FAM193A: variants seen among roughly 807,000 people sequenced by gnomAD.
The protein encoded by FAM193A is protein FAM193A.
In FAM193A, 22 loss-of-function variants were observed where a neutral mutation model predicts 126.5. The observed-to-expected ratio is 0.17, with a 90% CI of 0.12 to 0.25. The LOEUF (loss-of-function observed/expected upper bound fraction) is 0.25. FAM193A is among the 10% of genes least tolerant of loss of function. The probability of loss-of-function intolerance (pLI) is 1.00; values close to 1 mark genes in which losing one functional copy is unlikely to be tolerated. For missense variants in FAM193A, 1,675 were observed against 1,672.8 expected, an observed-to-expected ratio of 1.00 and a Z score of -0.02; for synonymous variants, 761 against 646.8, an observed-to-expected ratio of 1.18 and a Z score of -2.68.
At chr4:2,579,077 C>G (rs958171528) in intron 1 of FAM193A, among the ~76,000 whole-genome samples, 2 of 151,872 alleles carry the variant, frequency 1.3e-5, no homozygotes, top group African/African-American at 4.8e-5. Flanking sequence ...CCAGACTGGT[C>G]TTGAACTCCT....
rs1469690968 is a variant in FAM193A at position 2,640,790 on chromosome 4, C to T, written c.1163+931C>T. Among the ~76,000 whole-genome samples, 3 of 151,962 alleles carry T rather than the reference C, an allele frequency of 2.0e-5. No individual in the cohort carries two copies. In the East Asian group the frequency reaches 5.9e-4, roughly 30 times the overall value. ...GACCAGCCTTGCCAACATGGTAAAA[C>T]CCCGTCTCTACTAAAAATATAAAAA... On this transcript the variant is annotated intron_variant, in intron 6 of 20. Coordinates refer to ENST00000637812, the MANE Select transcript of FAM193A (RefSeq NM_001366318.2).
intron 16 of FAM193A, among the ~76,000 whole-genome samples, chr4:2,694,203 AAATG>A (rs1487452802): frequency 9.2e-5 from 14 of 152,198 alleles, no homozygotes; most frequent in Non-Finnish European, 1.3e-4. Flanking sequence ...AATCAGAGGA[AAATG>A]AATGAAATGT....
chr4:2,594,016 C>T (rs549275629), intron 1 of FAM193A, among the ~76,000 whole-genome samples: 1 of 152,070 alleles, frequency 6.6e-6, no homozygotes, highest in South Asian at 2.1e-4. Flanking sequence ...TGCCCCTGTG[C>T]CCCAAACATT....
chr4:2,616,174 A>G (rs548732001), intron 2 of FAM193A, among the ~76,000 whole-genome samples: 1 of 152,184 alleles, frequency 6.6e-6, no homozygotes, highest in South Asian at 2.1e-4. Context: ...CTCTGTTGTT[A>G]TTTACCATTT....
intron 12 of FAM193A, among the ~76,000 whole-genome samples, chr4:2,664,033 G>T (rs1329835848): frequency 6.6e-6 from 1 of 152,160 alleles, no homozygotes; most frequent in African/African-American, 2.4e-5. Flanking sequence ...AGGTCAAAGT[G>T]CTTGGCTGAT....
intron 1 of FAM193A, among the ~76,000 whole-genome samples, chr4:2,580,412 C>T (rs556589848): frequency 1.2e-4 from 19 of 152,236 alleles, no homozygotes; most frequent in African/African-American, 4.3e-4. Flanking sequence ...AAGAAATAAT[C>T]GGTACAACAA....
chr4:2,594,484 C>G (rs1361873786), intron 1 of FAM193A, among the ~76,000 whole-genome samples: 1 of 152,180 alleles, frequency 6.6e-6, no homozygotes, highest in East Asian at 1.9e-4. Context: ...GCATGTCTTG[C>G]AGCAAGGACA....
intron 2 of FAM193A, among the ~76,000 whole-genome samples, chr4:2,617,023 C>G (rs1166831048): frequency 6.9e-6 from 1 of 145,560 alleles, no homozygotes; most frequent in African/African-American, 2.5e-5. Flanking sequence ...CAAACATTAG[C>G]CGGGTGTGGT....
chr4:2,574,080 G>C (rs771688594), intron 1 of FAM193A, among the ~76,000 whole-genome samples: 2 of 152,114 alleles, frequency 1.3e-5, no homozygotes, highest in Non-Finnish European at 2.9e-5. Context: ...GGTTTTTGCA[G>C]AAGAGTGGTA....
At chr4:2,619,943 A>T (rs1742441717) in intron 2 of FAM193A, among the ~76,000 whole-genome samples, 1 of 151,774 alleles carries the variant, frequency 6.6e-6, no homozygotes, top group South Asian at 2.1e-4. Flanking sequence ...CACTCGCCTC[A>T]TCCTCTGAAA....
chr4:2,552,861 T>G (rs2108823969), intron 1 of FAM193A, among the ~76,000 whole-genome samples: 1 of 150,124 alleles, frequency 6.7e-6, no homozygotes, highest in South Asian at 2.1e-4. Flanking sequence ...TTTTTTTTTT[T>G]TTTTTTGAGA....
intron 2 of FAM193A, among the ~76,000 whole-genome samples, chr4:2,613,189 C>T (rs1741979352): frequency 6.6e-6 from 1 of 152,138 alleles, no homozygotes; most frequent in South Asian, 2.1e-4. Flanking sequence ...TGTAATCCAG[C>T]ACTTTGGGAG....
intron 5 of FAM193A, among the ~76,000 whole-genome samples, chr4:2,636,724 A>C (rs1030420613): frequency 6.6e-6 from 1 of 152,184 alleles, no homozygotes; most frequent in East Asian, 1.9e-4. Context: ...AGCAAATGCA[A>C]ATTTTCTAAA....
At chr4:2,701,563 G>T (rs113718595) in intron 19 of FAM193A, among the ~76,000 whole-genome samples, 5 of 152,054 alleles carry the variant, frequency 3.3e-5, no homozygotes, top group Admixed American at 2.0e-4. Context: ...AGTGGGTGAC[G>T]GTGTCTGTCC....
chr4:2,558,952 A>G (rs116035720), intron 1 of FAM193A, among the ~76,000 whole-genome samples: 2,559 of 152,294 alleles, frequency 0.017, 59 homozygotes, highest in African/African-American at 0.051. Context: ...ATGAACTGTG[A>G]TCGTGCCACT....
intron 1 of FAM193A, among the ~76,000 whole-genome samples, chr4:2,546,001 A>C (rs888547903): frequency 1.3e-5 from 2 of 152,046 alleles, no homozygotes; most frequent in African/African-American, 4.8e-5. Flanking sequence ...TACAAAAATT[A>C]GCGGGGTGTG....
Position 2,631,124 on chromosome 4 carries a change from C to T in FAM193A, c.993C>T (p.Ala331=). The stretch of plus-strand genomic sequence containing the variant: ...CCCTCCTGCTTGAGGAGTACGGCGC[C>T]CTCTGCCAGGCCGCACGCTCCATCA... ...FISLLLEEYG[A]LCQAARSIST... is the part of the protein sequence containing the mutation. Residue 331 remains alanine, a synonymous_variant, in exon 5 of 21, where the codon GCC becomes GCT. Transcript: ENST00000637812. 1 of 1,613,414 alleles carries T rather than the reference C, an allele frequency of 6.2e-7. No individual in the cohort carries two copies. The highest frequency in any genetic ancestry group is 8.5e-7 in the Non-Finnish European group (1 of 1,179,788).
chr4:2,692,989 G>T (rs766900479), intron 15 of FAM193A, among the ~76,000 whole-genome samples: 2 of 152,096 alleles, frequency 1.3e-5, no homozygotes, highest in Non-Finnish European at 2.9e-5. Context: ...GATTGCTTGA[G>T]CCCAGGGGTT....
chr4:2,640,896 C>T (rs1482040271), intron 6 of FAM193A, among the ~76,000 whole-genome samples: 5 of 151,020 alleles, frequency 3.3e-5, no homozygotes, highest in Non-Finnish European at 5.9e-5. Flanking sequence ...ACCCCAGAGG[C>T]AGAGGTTGCA....
Sources: allele counts gnomAD v4.1 joint callset (sites outside exome capture counted in the v4.1 genomes callset), GRCh38; gene constraint gnomAD v4.1.1; transcripts MANE v1.5; gene names NCBI Gene and HGNC (gene_info 2026-07-23, HGNC 2026-07-21).